The following RAB5A variants were observed in gnomAD, a reference collection of about 807,000 sequenced individuals.
RAB5A encodes RAB5A, member RAS oncogene family.
RAB5A carries 8 observed loss-of-function variants against 25.7 expected under a neutral mutation model. The ratio of observed to expected loss-of-function variants is 0.31; its 90% confidence interval spans 0.18 to 0.56. The LOEUF (loss-of-function observed/expected upper bound fraction) is 0.56, where lower values mean the gene tolerates loss of function less well. RAB5A is among the 20% of genes least tolerant of loss of function. RAB5A has a pLI of 0.91. For synonymous variants in RAB5A, 98 were observed against 89.8 expected, an observed-to-expected ratio of 1.09 and a Z score of -0.52; for missense variants, 192 against 259.7, an observed-to-expected ratio of 0.74 and a Z score of 1.79.
chr3:19,961,366 A>C (rs531756860), intron 2 of RAB5A, among the ~76,000 whole-genome samples: 1 of 152,296 alleles, frequency 6.6e-6, no homozygotes. Context: ...TGTACTGTGT[A>C]TGTGTGTATT....
intron 1 of RAB5A, among the ~76,000 whole-genome samples, chr3:19,950,168 G>C (rs1034766847): frequency 3.9e-5 from 6 of 152,004 alleles, no homozygotes; most frequent in South Asian, 4.1e-4. Flanking sequence ...TCTGTGTATG[G>C]TGTGCTTGAG....
chr3:19,972,900 C>A (rs1696770809), intron 2 of RAB5A, among the ~76,000 whole-genome samples: 1 of 152,090 alleles, frequency 6.6e-6, no homozygotes, highest in Non-Finnish European at 1.5e-5. Flanking sequence ...ACAGTTGGCC[C>A]TCTGAATCTG....
chr3:19,974,208 G>A (rs1696790284), intron 2 of RAB5A, among the ~76,000 whole-genome samples: 1 of 150,842 alleles, frequency 6.6e-6, no homozygotes, highest in Non-Finnish European at 1.5e-5. Flanking sequence ...AGGATGGAGT[G>A]CAGTGGTGCG....
intron 2 of RAB5A, among the ~76,000 whole-genome samples, chr3:19,951,479 A>G (rs991940675): frequency 1.3e-5 from 2 of 152,224 alleles, no homozygotes; most frequent in Admixed American, 6.5e-5. Context: ...ATTTGCAAAT[A>G]ATTATACTTA....
At chr3:19,964,195 AAAGT>A (rs147399531) in intron 2 of RAB5A, among the ~76,000 whole-genome samples, 3,969 of 152,268 alleles carry the variant, frequency 0.026, 157 homozygotes, top group African/African-American at 0.09. Context: ...ACTGTTCAGT[AAAGT>A]ATCTGTTGCC....
At chr3:19,963,328 T>C (rs1337286881) in intron 2 of RAB5A, among the ~76,000 whole-genome samples, 1 of 148,600 alleles carries the variant, frequency 6.7e-6, no homozygotes, top group Non-Finnish European at 1.5e-5. Context: ...TTTGCTGTTT[T>C]AGGTAATCAC....
intron 2 of RAB5A, among the ~76,000 whole-genome samples, chr3:19,957,975 A>G (rs890746510): frequency 2.6e-5 from 4 of 152,214 alleles, no homozygotes; most frequent in African/African-American, 9.7e-5. Context: ...CCAGTAGTAG[A>G]AAGCTTTCTA....
chr3:19,971,528 A>G (rs911166018), intron 2 of RAB5A, among the ~76,000 whole-genome samples: 11 of 151,912 alleles, frequency 7.2e-5, no homozygotes, highest in Admixed American at 3.3e-4. Flanking sequence ...CTGGAGAGCA[A>G]TGGCACAATC....
intron 2 of RAB5A, among the ~76,000 whole-genome samples, chr3:19,959,444 T>TTA (rs757978782): frequency 0.023 from 2,595 of 111,130 alleles, 36 homozygotes; most frequent in African/African-American, 0.029. Flanking sequence ...ATGTACTAAT[T>TTA]TATATATATA....
chr3:19,971,354 T>G (rs2125189326), intron 2 of RAB5A, among the ~76,000 whole-genome samples: 1 of 152,190 alleles, frequency 6.6e-6, no homozygotes, highest in South Asian at 2.1e-4. Flanking sequence ...GTAGCACTTT[T>G]CATTTTTTAA....
chr3:19,978,640 G>C (rs1696864604), intron 5 of RAB5A: 1 of 355,836 alleles, frequency 2.8e-6, no homozygotes, highest in South Asian at 4.8e-5. Context: ...TTGTAATACT[G>C]TCAGTTTAGG....
chr3:19,969,449 C>T (rs989351302), intron 2 of RAB5A, among the ~76,000 whole-genome samples: 11 of 152,122 alleles, frequency 7.2e-5, no homozygotes, highest in African/African-American at 2.4e-4. Flanking sequence ...TGTGAATTGT[C>T]TTTACACATT....
At chr3:19,967,685 T>C (rs17796169) in intron 2 of RAB5A, among the ~76,000 whole-genome samples, 21,361 of 152,194 alleles carry the variant, frequency 0.14, 1,845 homozygotes, top group Non-Finnish European at 0.2. Flanking sequence ...TATTCTCTTT[T>C]TGGGTTTACT....
intron 2 of RAB5A, among the ~76,000 whole-genome samples, chr3:19,970,344 C>G (rs1487803423): frequency 2.6e-5 from 4 of 152,172 alleles, no homozygotes; most frequent in Admixed American, 2.6e-4. Flanking sequence ...GCAGATTTGA[C>G]ATTTAAAGCT....
chr3:19,984,198 T>G lies in RAB5A; in HGVS notation c.*375T>G. On this transcript the variant is annotated 3_prime_UTR_variant, in exon 6 of 6. Coordinates refer to ENST00000273047, the MANE Select transcript of RAB5A (RefSeq NM_004162.5). Reference sequence around the variant, plus strand: ...GAAAAAAAAATTGGAACTTACTAATTTGGGCTTTTCAAAAACATTCTTTGT... The same window carrying G: ...GAAAAAAAAATTGGAACTTACTAATGTGGGCTTTTCAAAAACATTCTTTGT... 2.4e-6 allele frequency: 1 copy of G among 422,766 alleles called. No homozygotes were observed. The highest frequency in any genetic ancestry group is 4.6e-6 in the Non-Finnish European group (1 of 218,988). 26.2% of individuals were successfully genotyped at this position (422,766 alleles called of 1,614,324 possible).
At position 19,951,747 on chromosome 3, in the gene RAB5A, G is replaced by A. The variant is rs190864009; in HGVS notation, c.163+686G>A. 3.1e-3 allele frequency among the ~76,000 whole-genome samples: 425 copies of A among 136,790 alleles called. 1 individual carries two copies. The highest frequency in any genetic ancestry group is 0.018 in the Middle Eastern group (4 of 224). 89.7% of individuals were successfully genotyped at this position (136,790 alleles called of 152,430 possible). A position where few individuals can be genotyped will look rare whatever the true frequency, so the allele number is the denominator to read the frequency against. The stretch of plus-strand genomic sequence containing the variant: ...GAGTCAGAGTCTCGCTGTGTTTCCA[G>A]GTTGGTCTTGAACTCCTGGCCTCAA... On this transcript the variant is annotated intron_variant, in intron 2 of 5. Coordinates refer to ENST00000273047, the MANE Select transcript of RAB5A (RefSeq NM_004162.5).
chr3:19,973,498 T>C (rs1023508269), intron 2 of RAB5A, among the ~76,000 whole-genome samples: 1 of 152,134 alleles, frequency 6.6e-6, no homozygotes, highest in African/African-American at 2.4e-5. Flanking sequence ...TTAATTTTAG[T>C]TTAAAATTTT....
intron 5 of RAB5A, among the ~76,000 whole-genome samples, chr3:19,982,225 G>A (rs1192520468): frequency 6.6e-6 from 1 of 152,192 alleles, no homozygotes; most frequent in African/African-American, 2.4e-5. Context: ...GCTACAGAGG[G>A]AGACCTTGTC....
At chr3:19,952,024 C>A (rs1252124022) in intron 2 of RAB5A, among the ~76,000 whole-genome samples, 1 of 152,042 alleles carries the variant, frequency 6.6e-6, no homozygotes, top group Non-Finnish European at 1.5e-5. Flanking sequence ...ACAAACAGTA[C>A]AGTATTGTCA....
Sources: gnomAD v4.1 joint callset for allele counts (sites outside exome capture counted in the v4.1 genomes callset) on GRCh38, gnomAD v4.1.1 for gene constraint, MANE v1.5 for transcripts, NCBI Gene and HGNC (gene_info 2026-07-23, HGNC 2026-07-21) for gene names.